The following KL variants were observed in gnomAD, a reference collection of about 807,000 sequenced individuals.
KL encodes the protein alpha-klotho.
A neutral mutation model predicts 84.2 loss-of-function variants in KL; 62 were observed. The ratio of observed to expected loss-of-function variants is 0.74; its 90% CI spans 0.60 to 0.91. The LOEUF (loss-of-function observed/expected upper bound fraction) is 0.91, where lower values mean the gene tolerates loss of function less well. KL is among the 40% of genes least tolerant of loss of function. The pLI is 0.00. For missense variants in KL, 1,261 were observed against 1,305.7 expected (o/e 0.97, Z 0.53); for synonymous variants, 528 against 528.0 (o/e 1.00, Z 0.00).
rs1206694907 is a variant in KL, at chr13:33,016,568, C to T, written c.128C>T (p.Ala43Val). ...AEPGDGAQTW[A>V]RFSRPPAPEA... ...CCGGGCGACGGCGCGCAGACCTGGG[C>T]CCGTTTCTCGCGGCCTCCTGCCCCC... Residue 43 changes from alanine to valine, a missense_variant, in exon 1 of 5, where the codon GCC (alanine) becomes GTC (valine). By Grantham distance (64) the Ala-to-Val change is moderately conservative. Transcript: ENST00000380099. The T allele has an allele frequency of 6.8e-7, 1 of 1,478,308 alleles. No homozygotes were observed. Among genetic ancestry groups the T allele is most frequent in the South Asian group, 1.4e-5 (1 of 73,450 alleles). The allele number at this position is 1,478,308 out of a possible 1,614,324, so 91.6% of individuals were successfully genotyped here.
intron 3 of KL, among the ~76,000 whole-genome samples, chr13:33,059,364 A>G (rs1872086740): frequency 6.6e-6 from 1 of 152,232 alleles, no homozygotes; most frequent in South Asian, 2.1e-4. Context: ...TCATTGTTAC[A>G]GAAGAATAAT....
chr13:33,032,313 T>A (rs1871000694), intron 1 of KL, among the ~76,000 whole-genome samples: 1 of 152,256 alleles, frequency 6.6e-6, no homozygotes, highest in African/African-American at 2.4e-5. Flanking sequence ...ATAACCATTT[T>A]ATTTGGTTTA....
At chr13:33,057,632 C>T (rs1234818251) in intron 3 of KL, among the ~76,000 whole-genome samples, 1 of 152,100 alleles carries the variant, frequency 6.6e-6, no homozygotes, top group African/African-American at 2.4e-5. Flanking sequence ...GTGCAGAACC[C>T]AACAAACACA....
At position 33,060,897 on chromosome 13, in the gene KL, T is replaced by C; in HGVS notation, c.1818T>C (p.Gly606=). The C allele has an allele frequency of 6.2e-7, 1 of 1,614,178 alleles. No individual in the cohort carries two copies. The change falls in exon 4 of 5, where the codon GGT becomes GGC. Residue 606 remains glycine, a synonymous_variant. Coordinates refer to ENST00000380099, the MANE Select transcript of KL (RefSeq NM_004795.4). ...ACTGGGCCCTGATTCTCCCTCTGGG[T>C]AACCAGTCCCAGGTGAACCACACCA... ...SLDWALILPL[G]NQSQVNHTIL...
intron 1 of KL, among the ~76,000 whole-genome samples, chr13:33,025,200 G>T (rs1870725008): frequency 6.6e-6 from 1 of 152,180 alleles, no homozygotes; most frequent in Non-Finnish European, 1.5e-5. Context: ...GGAGAGATAG[G>T]TTAGCGTTTT....
At position 33,060,686 on chromosome 13, in the gene KL, C is replaced by G. The variant is rs1429089575; in HGVS notation, c.1607C>G (p.Thr536Ser). ...GVVDNYIQVD[T>S]TLSQFTDLNV... Reference sequence around the variant, plus strand: ...TTACTCTGCCCTTCACAGGTAGATACCACTCTGTCTCAGTTTACCGACCTG... The same window carrying G: ...TTACTCTGCCCTTCACAGGTAGATAGCACTCTGTCTCAGTTTACCGACCTG... Residue 536 changes from threonine (T) to serine (S), a missense_variant, in exon 4 of 5, where the codon ACC (threonine) becomes AGC (serine). Thr to Ser is a moderately conservative substitution (Grantham distance 58, BLOSUM62 1). Coordinates refer to ENST00000380099, the MANE Select transcript of KL (RefSeq NM_004795.4). 1 of 1,614,042 alleles carries G rather than the reference C, an allele frequency of 6.2e-7. No individual in the cohort carries two copies. Among genetic ancestry groups the G allele is most frequent in the African/African-American group, 1.3e-5 (1 of 74,926 alleles).
At chr13:33,055,364 T>C (rs779716626) in intron 3 of KL, 49 bp downstream of exon 3, 38 of 1,610,072 alleles carry the variant, frequency 2.4e-5, no homozygotes, top group Non-Finnish European at 3.0e-5. Context: ...GCCCTATCAC[T>C]AGTAAGTAGT....
At chr13:33,054,344 T>C (rs550811430) in intron 2 of KL, 67 bp downstream of exon 2, 223 of 1,452,538 alleles carry the variant, frequency 1.5e-4, no homozygotes, top group Middle Eastern at 9.5e-4. Flanking sequence ...TAAGATTATC[T>C]AACATAAATG....
At chr13:33,024,680 T>C (rs1031467651) in intron 1 of KL, among the ~76,000 whole-genome samples, 1 of 152,212 alleles carries the variant, frequency 6.6e-6, no homozygotes, top group Admixed American at 6.5e-5. Context: ...CTTCCCCGCC[T>C]GTCCTCTCTT....
At chr13:33,029,884 C>T (rs192016149) in intron 1 of KL, among the ~76,000 whole-genome samples, 15 of 152,006 alleles carry the variant, frequency 9.9e-5, no homozygotes, top group Admixed American at 1.3e-4. Context: ...CCACTCACCT[C>T]GGCCTCCCAA....
intron 4 of KL, among the ~76,000 whole-genome samples, chr13:33,062,243 G>C (rs561127129): frequency 6.6e-6 from 1 of 152,162 alleles, no homozygotes; most frequent in South Asian, 2.1e-4. Context: ...AGCTGGGCAC[G>C]GTGGCATATA....
chr13:33,016,685 A>C lies in KL; in HGVS notation c.245A>C (p.Gln82Pro). 1 of 1,603,286 alleles carries C rather than the reference A, an allele frequency of 6.2e-7. No homozygotes were observed. The highest frequency in any genetic ancestry group is 8.5e-7 in the Non-Finnish European group (1 of 1,175,540). ...AAYQTEGGWQ[Q>P]HGKGASIWDT... ...TACCAGACCGAGGGCGGCTGGCAGCAGCACGGCAAGGGTGCGTCCATCTGG... is the reference window on the plus strand; with the variant it reads ...TACCAGACCGAGGGCGGCTGGCAGCCGCACGGCAAGGGTGCGTCCATCTGG... Residue 82 changes from glutamine to proline, a missense_variant, in exon 1 of 5, where the codon CAG becomes CCG. By Grantham distance (76) the Gln-to-Pro change is moderately conservative (BLOSUM62 -1). Coordinates refer to ENST00000380099, the MANE Select transcript of KL (RefSeq NM_004795.4).
intron 1 of KL, among the ~76,000 whole-genome samples, chr13:33,048,418 T>A (rs1593803464): frequency 6.6e-6 from 1 of 152,206 alleles, no homozygotes; most frequent in Non-Finnish European, 1.5e-5. Flanking sequence ...ATTTTTCTAC[T>A]CTGGCTATTC....
At chr13:33,045,086 TG>T in intron 1 of KL, among the ~76,000 whole-genome samples, 1 of 152,336 alleles carries the variant, frequency 6.6e-6, no homozygotes, top group East Asian at 1.9e-4. Context: ...TGTACTCCTG[TG>T]TATATTTTAT....
chr13:33,050,333 A>G (rs1337419434), intron 1 of KL, among the ~76,000 whole-genome samples: 3 of 152,220 alleles, frequency 2.0e-5, no homozygotes, highest in Non-Finnish European at 4.4e-5. Flanking sequence ...CTCCCTGTTA[A>G]TCATCCTTAT....
At chr13:33,029,274 C>T (rs941192639) in intron 1 of KL, among the ~76,000 whole-genome samples, 1 of 152,120 alleles carries the variant, frequency 6.6e-6, no homozygotes, top group Non-Finnish European at 1.5e-5. Context: ...TTGATGATAA[C>T]AAGTTACAAA....
At position 33,055,050 on chromosome 13, in the gene KL, T is replaced by C. The variant is rs201245224; in HGVS notation, c.1334T>C (p.Ile445Thr). 1 of 1,614,156 alleles carries C rather than the reference T, an allele frequency of 6.2e-7. No homozygotes were observed. The highest frequency in any genetic ancestry group is 2.2e-5 in the East Asian group (1 of 44,880). The change falls in exon 3 of 5, where the codon ATC becomes ACC. Residue 445 changes from isoleucine to threonine, a missense_variant. Physicochemically the swap from Ile to Thr is moderately conservative, Grantham distance 89. Transcript: ENST00000380099. ...TTGTCCCCTCTTCCCTTTGCAGCCA[T>C]CAAGCTGGATGGGGTGGATGTCATC... ...KKFIMETLKA[I>T]KLDGVDVIGY...
At chr13:33,037,501 T>C (rs1230561697) in intron 1 of KL, among the ~76,000 whole-genome samples, 45 of 152,184 alleles carry the variant, frequency 3.0e-4, no homozygotes, top group Non-Finnish European at 8.8e-5. Flanking sequence ...TGATGTAGAC[T>C]GATTGAATTA....
intron 1 of KL, among the ~76,000 whole-genome samples, chr13:33,019,479 A>T (rs1255478429): frequency 6.6e-6 from 1 of 151,816 alleles, no homozygotes; most frequent in African/African-American, 2.4e-5. Context: ...ACTGGCTAGC[A>T]CCCTTCCCTC....
Sources: allele counts gnomAD v4.1 joint callset (sites outside exome capture counted in the v4.1 genomes callset), GRCh38; gene constraint gnomAD v4.1.1; transcripts MANE v1.5; gene names NCBI Gene and HGNC (gene_info 2026-07-23, HGNC 2026-07-21).